CHIC2: variants seen among roughly 807,000 people sequenced by gnomAD.
CHIC2 encodes cysteine-rich hydrophobic domain-containing protein 2.
A neutral mutation model predicts 25.9 loss-of-function variants in CHIC2; 14 were observed. The observed-to-expected ratio is 0.54, with a 90% CI of 0.36 to 0.85. The LOEUF (loss-of-function observed/expected upper bound fraction) is 0.85, where lower values mean the gene tolerates loss of function less well. CHIC2 is among the 40% of genes least tolerant of loss of function. The probability of loss-of-function intolerance (pLI) is 0.01; values close to 1 mark genes in which losing one functional copy is unlikely to be tolerated. For synonymous variants in CHIC2, 70 were observed against 72.0 expected (o/e 0.97, Z 0.14); for missense variants, 146 against 202.0 (o/e 0.72, Z 1.68).
rs1253421380 is a variant in CHIC2, at chr4:54,064,120, C to A, written c.119+62G>T. ...ACGGACACAGGGGAAACGGGGCTCC[C>A]GTGGAGTAACGGGGCCCACCCCAGC... On this transcript the variant is annotated intron_variant, in intron 1 of 5. Transcript: ENST00000263921. The surrounding 1 kb of genome is among the most constrained non-coding windows in gnomAD (Gnocchi z 4.2). The A allele has an allele frequency of 5.6e-6, 8 of 1,430,972 alleles. No homozygotes were observed. The East Asian group carries it at 9.7e-5, about 17-fold the overall frequency. The allele number at this position is 1,430,972 out of a possible 1,614,324, so 88.6% of individuals were successfully genotyped here. A position where few individuals can be genotyped will look rare whatever the true frequency, so the allele number is the denominator to read the frequency against.
intron 1 of CHIC2, among the ~76,000 whole-genome samples, chr4:54,054,285 ACTT>A (rs1264468563): frequency 6.6e-6 from 1 of 152,160 alleles, no homozygotes; most frequent in African/African-American, 2.4e-5. Flanking sequence ...TTCAGTTTTA[ACTT>A]CTTCTATGTT....
upstream of CHIC2, among the ~76,000 whole-genome samples, chr4:54,067,282 CTGTGTGTGTGTGTCTGTGTGTGTGTGTG>C (rs1197563972): frequency 2.1e-5 from 2 of 96,522 alleles, no homozygotes. Flanking sequence ...TTTTTCCTTT[CTGTGTGTGTGTGTCTGTGTGTGTGTGTG>C]TGTGTGTGTG....
At chr4:54,029,795 T>C (rs758748719) in intron 3 of CHIC2, among the ~76,000 whole-genome samples, 1 of 152,232 alleles carries the variant, frequency 6.6e-6, no homozygotes, top group Non-Finnish European at 1.5e-5. Context: ...TATAACTGAA[T>C]AAGGATATTT....
intron 1 of CHIC2, among the ~76,000 whole-genome samples, chr4:54,058,549 T>TACACACATACACACAC (rs1176285644): frequency 1.8e-4 from 23 of 126,906 alleles, no homozygotes; most frequent in Non-Finnish European, 3.6e-4. Context: ...CATACACACA[T>TACACACATACACACAC]ACACACACAT....
intron 3 of CHIC2, among the ~76,000 whole-genome samples, chr4:54,015,790 T>C (rs1021126038): frequency 4.6e-5 from 7 of 152,188 alleles, no homozygotes; most frequent in Admixed American, 3.3e-4. Context: ...AAAATTCCAA[T>C]AGTTGTTTAA....
rs1409243133 is a variant in CHIC2, at chr4:54,047,520, A to T, written c.330+1435T>A. 9.2e-5 allele frequency among the ~76,000 whole-genome samples: 14 copies of T among 152,032 alleles called. No individual in the cohort carries two copies. The East Asian group carries it at 2.3e-3, about 25-fold the overall frequency. ...TGTAAGGACATGGATGAAGCTGGAA[A>T]CCATCATTCTCAGCAAACTATCGCA... is the stretch of plus-strand genomic sequence containing the variant. On this transcript the variant is annotated intron_variant, in intron 3 of 5. Coordinates refer to ENST00000263921, the MANE Select transcript of CHIC2 (RefSeq NM_012110.4).
At chr4:54,058,304 CTCTT>C (rs1717233929) in intron 1 of CHIC2, among the ~76,000 whole-genome samples, 1 of 152,108 alleles carries the variant, frequency 6.6e-6, no homozygotes, top group South Asian at 2.1e-4. Context: ...TGGATATTAT[CTCTT>C]TCGCAGATGA....
upstream of CHIC2, chr4:54,064,755 G>T: frequency 1.7e-6 from 1 of 602,240 alleles, no homozygotes; most frequent in Non-Finnish European, 2.1e-6. This position sits in a 1 kb window ranked among gnomAD's most constrained non-coding sequence, Gnocchi z 4.2. Context: ...GCGGCCTCGC[G>T]CGCTCCCAGG....
the CHIC2 span, among the ~76,000 whole-genome samples, chr4:54,073,905 C>T: frequency 6.6e-6 from 1 of 152,002 alleles, no homozygotes; most frequent in African/African-American, 2.4e-5. Flanking sequence ...GTCTGTAATC[C>T]CAGCACTTTG....
At chr4:54,015,689 A>C (rs1715717246) in intron 3 of CHIC2, among the ~76,000 whole-genome samples, 1 of 152,212 alleles carries the variant, frequency 6.6e-6, no homozygotes, top group African/African-American at 2.4e-5. Flanking sequence ...AATCTGTACT[A>C]GGTCTTTAGC....
chr4:54,025,041 C>G (rs1411010581), intron 3 of CHIC2, among the ~76,000 whole-genome samples: 3 of 151,924 alleles, frequency 2.0e-5, no homozygotes, highest in African/African-American at 7.3e-5. Context: ...ACCACCCGCC[C>G]CCCCAAAATT....
rs781337848 is a variant in CHIC2, at chr4:54,010,189, T to C, written c.448-44A>G. Reference sequence around the variant, plus strand: ...AAGGTTTTAAAAGATTTAAACAAAATTTTTTCTTAAAACTTCAATTATATG... The same window carrying C: ...AAGGTTTTAAAAGATTTAAACAAAACTTTTTCTTAAAACTTCAATTATATG... On this transcript the variant is annotated intron_variant, in intron 5 of 5. Coordinates refer to ENST00000263921, the MANE Select transcript of CHIC2 (RefSeq NM_012110.4). 5.8e-5 allele frequency: 84 copies of C among 1,438,024 alleles called. No homozygotes were observed. The South Asian group carries it at 1.0e-3, about 17-fold the overall frequency. The allele number at this position is 1,438,024 out of a possible 1,614,324, so 89.1% of individuals were successfully genotyped here.
At position 54,049,051 on chromosome 4, in the gene CHIC2, GTTC is replaced by G; in HGVS notation, c.231_233del (p.Lys77del). 1 of 1,612,640 alleles carries G rather than the reference GTTC, an allele frequency of 6.2e-7. No individual in the cohort carries two copies. Among genetic ancestry groups the G allele is most frequent in the South Asian group, 1.1e-5 (1 of 90,842 alleles). ...GTAGCCAACGTACATTAACAGGAAG[GTTC>G]TTCTTAAGACAACTGTTAACTCTGT... On this transcript the variant is annotated inframe_deletion, in exon 3 of 6. Coordinates refer to ENST00000263921, the MANE Select transcript of CHIC2 (RefSeq NM_012110.4).
chr4:54,091,295 C>T, the CHIC2 span, among the ~76,000 whole-genome samples: 11 of 152,236 alleles, frequency 7.2e-5, no homozygotes, highest in South Asian at 2.3e-3. Context: ...AGCGGGTCTG[C>T]GCGGACAGAG....
chr4:54,010,139 G>A lies in CHIC2; in HGVS notation c.454C>T (p.Leu152Phe), dbSNP rs1715540587. 6.2e-7 allele frequency: 1 copy of A among 1,605,134 alleles called. No homozygotes were observed. ...GGTGTCTTTGGTAAAAATTCTATGA[G>A]GATGACCTGTAAAAGGAGAAGAAAA... ...ETNNMMEYVI[L>F]IEFLPKTPIF... Residue 152 changes from leucine to phenylalanine, a missense_variant, in exon 6 of 6, where the codon CTC becomes TTC. By Grantham distance (22) the Leu-to-Phe change is conservative (BLOSUM62 0). Coordinates refer to ENST00000263921, the MANE Select transcript of CHIC2 (RefSeq NM_012110.4).
the CHIC2 span, among the ~76,000 whole-genome samples, chr4:54,078,071 A>G: frequency 6.6e-6 from 1 of 152,238 alleles, no homozygotes; most frequent in Admixed American, 6.5e-5. Context: ...AATGATGCCA[A>G]TCAACCCATG....
chr4:54,047,306 C>T (rs1190117265), intron 3 of CHIC2, among the ~76,000 whole-genome samples: 2 of 152,098 alleles, frequency 1.3e-5, no homozygotes, highest in African/African-American at 4.8e-5. Flanking sequence ...TGGGTATATA[C>T]CCAAAGGATT....
intron 1 of CHIC2, among the ~76,000 whole-genome samples, chr4:54,062,329 TTTTATTTATTTA>T (rs59288511): frequency 2.6e-5 from 4 of 151,334 alleles, no homozygotes; most frequent in African/African-American, 7.3e-5. Context: ...ACCTGTGAGA[TTTTATTTATTTA>T]TTTATTTATT....
At chr4:54,062,571 T>C (rs1245285818) in intron 1 of CHIC2, among the ~76,000 whole-genome samples, 5 of 152,312 alleles carry the variant, frequency 3.3e-5, no homozygotes, top group African/African-American at 1.2e-4. Context: ...CTGAGCACTT[T>C]GCCCACTATT....
Sources: allele counts gnomAD v4.1 joint callset (sites outside exome capture counted in the v4.1 genomes callset), GRCh38; gene constraint gnomAD v4.1.1; non-coding constraint Gnocchi (gnomAD v3.1); transcripts MANE v1.5; gene names NCBI Gene and HGNC (gene_info 2026-07-23, HGNC 2026-07-21).